The following EIF2AK4 variants were observed in gnomAD, a reference collection of about 807,000 sequenced individuals.
EIF2AK4 encodes eukaryotic translation initiation factor 2 alpha kinase 4.
Under a neutral mutation model 211.1 loss-of-function variants are expected in EIF2AK4, and 139 were observed. The observed-to-expected ratio is 0.66, with a 90% CI of 0.57 to 0.76. EIF2AK4 has a LOEUF of 0.76. Ranked by LOEUF, EIF2AK4 falls within the 30% of genes least tolerant of loss-of-function variation. The pLI is 0.00. For synonymous variants in EIF2AK4, 710 were observed against 751.3 expected (o/e 0.94, Z 0.90); for missense variants, 1,664 against 2,043.8 (o/e 0.81, Z 3.58).
At chr15:39,962,737 G>T (rs556943391) in intron 7 of EIF2AK4, among the ~76,000 whole-genome samples, 1 of 152,136 alleles carries the variant, frequency 6.6e-6, no homozygotes, top group African/African-American at 2.4e-5. Flanking sequence ...TAGAAGTTTT[G>T]TCTACTCGTG....
Position 40,035,043 on chromosome 15 carries a change from C to T in EIF2AK4, c.4909C>T (p.Leu1637=). ...CTTTTGCAGGGTGTCTGTGCTATTTCTGTACAGCTATAGAGATGACTACTA... is the reference window on the plus strand; with the variant it reads ...CTTTTGCAGGGTGTCTGTGCTATTTTTGTACAGCTATAGAGATGACTACTA... ...KVEKKVSVLF[L]YSYRDDYYRI... The change falls in exon 39 of 39, where the codon CTG becomes TTG. Residue 1637 remains leucine (L), a synonymous_variant. Coordinates refer to ENST00000263791, the MANE Select transcript of EIF2AK4 (RefSeq NM_001013703.4). 6.3e-7 allele frequency: 1 copy of T among 1,583,988 alleles called. No individual in the cohort carries two copies. The highest frequency in any genetic ancestry group is 1.1e-5 in the South Asian group (1 of 87,888).
At chr15:39,959,721 T>A (rs2034440250) in intron 6 of EIF2AK4, among the ~76,000 whole-genome samples, 2 of 152,236 alleles carry the variant, frequency 1.3e-5, no homozygotes, top group Non-Finnish European at 2.9e-5. Flanking sequence ...TCTGCATAGT[T>A]TATGTTACTA....
Position 40,029,415 on chromosome 15 carries a change from C to A in EIF2AK4, c.4512C>A (p.Ser1504=), listed in dbSNP as rs181699370. The change falls in exon 34 of 39, where the codon TCC becomes TCA. Residue 1504 remains serine (S), a synonymous_variant. Coordinates refer to ENST00000263791, the MANE Select transcript of EIF2AK4 (RefSeq NM_001013703.4). ...GTTTGCTTGTTTTTAGAGAAGCTTCCGATAATCTTGCAGTGCAAAATCTGA... is the reference window on the plus strand; with the variant it reads ...GTTTGCTTGTTTTTAGAGAAGCTTCAGATAATCTTGCAGTGCAAAATCTGA... ...VTDERNGREA[S]DNLAVQNLKG... is the part of the protein sequence containing the mutation. 2 of 1,612,436 alleles carry A rather than the reference C, an allele frequency of 1.2e-6. No homozygotes were observed. Among genetic ancestry groups the A allele is most frequent in the African/African-American group, 2.7e-5 (2 of 74,950 alleles).
chr15:40,001,569 G>A (rs868489514), intron 21 of EIF2AK4, among the ~76,000 whole-genome samples: 5 of 150,152 alleles, frequency 3.3e-5, no homozygotes, highest in Admixed American at 6.7e-5. Context: ...GGCAGGCGGA[G>A]GTTGCAGAGA....
chr15:39,978,139 C>G lies in EIF2AK4; in HGVS notation c.2311C>G (p.Gln771Glu). 6.4e-7 allele frequency: 1 copy of G among 1,559,614 alleles called. No homozygotes were observed. Residue 771 changes from glutamine to glutamate, a missense_variant, in exon 13 of 39, where the codon CAG becomes GAG. Physicochemically the swap from Gln to Glu is conservative, Grantham distance 29. Coordinates refer to ENST00000263791, the MANE Select transcript of EIF2AK4 (RefSeq NM_001013703.4). ...CAATGAAGATGAGAACAGTAAAAGT[C>G]AGAATCAGGTATATATATGAATAGA... ...FDNEDENSKS[Q>E]NQDEDCNEKN... is the part of the protein sequence containing the mutation.
chr15:40,027,667 G>C (rs922750256), intron 33 of EIF2AK4, among the ~76,000 whole-genome samples: 6 of 152,126 alleles, frequency 3.9e-5, no homozygotes, highest in Non-Finnish European at 8.8e-5. Flanking sequence ...GAGAAGGGGG[G>C]ATCATGAGGT....
At chr15:40,019,326 CTT>C in intron 30 of EIF2AK4, 126 bp downstream of exon 30, 1 of 660,138 alleles carries the variant, frequency 1.5e-6, no homozygotes, top group Non-Finnish European at 2.5e-6. Flanking sequence ...GGTTTTGAAA[CTT>C]ACCTTTAATA....
chr15:39,983,629 A>G (rs531912579), intron 13 of EIF2AK4, among the ~76,000 whole-genome samples: 20 of 152,246 alleles, frequency 1.3e-4, no homozygotes, highest in African/African-American at 4.8e-4. Context: ...TTTGGTAGAG[A>G]AGGGGTTTCT....
intron 15 of EIF2AK4, among the ~76,000 whole-genome samples, chr15:39,990,069 A>T (rs112336249): frequency 2.0e-5 from 3 of 152,322 alleles, no homozygotes; most frequent in African/African-American, 7.2e-5. Flanking sequence ...CCTGGTCAGG[A>T]TACCACCAGG....
In EIF2AK4 at chr15:39,949,108, A is replaced by G. The variant is rs1206300398; in HGVS notation, c.361-8A>G. The G allele has an allele frequency of 6.8e-6, 11 of 1,608,268 alleles. No homozygotes were observed. Among genetic ancestry groups the G allele is most frequent in the South Asian group, 3.3e-5 (3 of 90,930 alleles). ...TCATTTGTGGTTGATTTTTGTTTAC[A>G]TGTTTAGGTGATGATCTTTGAACTG... On this transcript the variant is annotated splice_polypyrimidine_tract_variant and splice_region_variant and intron_variant, in intron 3 of 38. Transcript: ENST00000263791.
At chr15:39,973,073 TATAC>T in intron 10 of EIF2AK4, 59 bp downstream of exon 10, 3 of 1,475,190 alleles carry the variant, frequency 2.0e-6, no homozygotes. Context: ...ATTTTGAAAG[TATAC>T]ATAAACCAAA....
chr15:40,031,230 A>C (rs1308929312), intron 35 of EIF2AK4, among the ~76,000 whole-genome samples: 1 of 152,244 alleles, frequency 6.6e-6, no homozygotes, highest in Non-Finnish European at 1.5e-5. Context: ...ACAGAGCAAG[A>C]CTTTGTCTCA....
rs749212260 is a variant in EIF2AK4 at position 39,953,984 on chromosome 15, G to A, written c.594G>A (p.Gln198=). The change falls in exon 5 of 39, where the codon CAG becomes CAA. Residue 198 remains glutamine, a splice_region_variant and synonymous_variant. Coordinates refer to ENST00000263791, the MANE Select transcript of EIF2AK4 (RefSeq NM_001013703.4). ...EEKKRKEMAK[Q]ERLEIASLSN... ...AAAAAAGGAAAGAAATGGCTAAGCA[G>A]GTACCCTATCAACTCCACCATAATA... 49 of 1,580,742 alleles carry A rather than the reference G, an allele frequency of 3.1e-5. No individual in the cohort carries two copies. Among genetic ancestry groups the A allele is most frequent in the Non-Finnish European group, 4.0e-5 (47 of 1,166,984 alleles).
At chr15:39,997,248 A>AT (rs2140931862) in intron 19 of EIF2AK4, among the ~76,000 whole-genome samples, 183 bp downstream of exon 19, 1 of 152,318 alleles carries the variant, frequency 6.6e-6, no homozygotes, top group South Asian at 2.1e-4. Context: ...TTAGTGAAAC[A>AT]TTTTTCTGAG....
Position 40,035,402 on chromosome 15 carries a change from G to A in EIF2AK4, c.*318G>A, listed in dbSNP as rs1419717138. On this transcript the variant is annotated 3_prime_UTR_variant, in exon 39 of 39. Transcript: ENST00000263791. ...GATCATCTGAGCCTCAGGAGGTTGA[G>A]GCTGCAGTGAGCTGTGACTGCGCCA... is the stretch of plus-strand genomic sequence containing the variant. 6 of 180,032 alleles carry A rather than the reference G, an allele frequency of 3.3e-5. No homozygotes were observed. The highest frequency in any genetic ancestry group is 2.3e-5 in the Non-Finnish European group (2 of 87,768). The allele number at this position is 180,032 out of a possible 1,614,324, so 11.2% of individuals were successfully genotyped here. A position where few individuals can be genotyped will look rare whatever the true frequency, so the allele number is the denominator to read the frequency against.
intron 1 of EIF2AK4, among the ~76,000 whole-genome samples, chr15:39,938,399 A>T (rs1442087085): frequency 6.6e-6 from 1 of 152,268 alleles, no homozygotes; most frequent in East Asian, 1.9e-4. Flanking sequence ...ATAAGAACTG[A>T]TCTTACAAAT....
intron 30 of EIF2AK4, among the ~76,000 whole-genome samples, chr15:40,019,643 G>T (rs997111980): frequency 8.5e-5 from 13 of 152,234 alleles, no homozygotes; most frequent in African/African-American, 2.6e-4. Flanking sequence ...TCTAACTAAT[G>T]CCTGATGATC....
At chr15:40,012,089 A>G (rs886562122) in intron 27 of EIF2AK4, among the ~76,000 whole-genome samples, 1 of 152,154 alleles carries the variant, frequency 6.6e-6, no homozygotes, top group African/African-American at 2.4e-5. Context: ...ATTGATCAGC[A>G]AAATTCACAT....
chr15:39,951,052 CTCACAGTCA>C, intron 4 of EIF2AK4, among the ~76,000 whole-genome samples: 1 of 152,220 alleles, frequency 6.6e-6, no homozygotes, highest in African/African-American at 2.4e-5. Context: ...TCTTTTTCCA[CTCACAGTCA>C]TATATGTAGG....
Sources: allele counts gnomAD v4.1 joint callset (sites outside exome capture counted in the v4.1 genomes callset), GRCh38; gene constraint gnomAD v4.1.1; transcripts MANE v1.5; gene names NCBI Gene and HGNC (gene_info 2026-07-23, HGNC 2026-07-21).